CMSS1: variants seen among roughly 807,000 people sequenced by gnomAD.
CMSS1 encodes cms1 ribosomal small subunit homolog.
Under a neutral mutation model 43.5 loss-of-function variants are expected in CMSS1, and 33 were observed. The ratio of observed to expected loss-of-function variants is 0.76; its 90% confidence interval spans 0.57 to 1.01. CMSS1 has a LOEUF of 1.01. CMSS1 is among the 50% of genes least tolerant of loss of function. The pLI, the probability that CMSS1 is intolerant of heterozygous loss-of-function variation, is 0.00. For synonymous variants in CMSS1, 115 were observed against 117.2 expected, an observed-to-expected ratio of 0.98 and a Z score of 0.12; for missense variants, 313 against 326.4, an observed-to-expected ratio of 0.96 and a Z score of 0.32.
intron 1 of CMSS1, among the ~76,000 whole-genome samples, chr3:99,876,391 C>T (rs1481480522): frequency 3.3e-5 from 5 of 152,176 alleles, no homozygotes; most frequent in African/African-American, 9.6e-5. Context: ...AGTGGTGGGC[C>T]GGTGGGCCGG....
chr3:100,060,306 T>G (rs2065539725), intron 1 of CMSS1, among the ~76,000 whole-genome samples: 2 of 152,238 alleles, frequency 1.3e-5, no homozygotes, highest in South Asian at 4.2e-4. Context: ...GACTCTTGCC[T>G]TAGTACTTTA....
chr3:100,136,706 G>A lies in CMSS1; in HGVS notation c.65-10267G>A, dbSNP rs151088974. 1.5e-3 allele frequency among the ~76,000 whole-genome samples: 234 copies of A among 152,280 alleles called. 2 individuals carry two copies. Among genetic ancestry groups the A allele is most frequent in the Non-Finnish European group, 2.0e-3 (133 of 68,018 alleles). ...TAGGGGTGAGATTTTGATGGAAAAG[G>A]AAAGGAGACAAGGATAAAGTGAGAA... is the stretch of plus-strand genomic sequence containing the variant. On this transcript the variant is annotated intron_variant, in intron 1 of 9. Transcript: ENST00000421999.
intron 1 of CMSS1, among the ~76,000 whole-genome samples, chr3:99,841,425 T>C (rs1943126892): frequency 6.6e-6 from 1 of 152,342 alleles, no homozygotes; most frequent in East Asian, 1.9e-4. Flanking sequence ...CTCTATTGTT[T>C]AGACCTTTCT....
chr3:99,998,715 A>C (rs1559719803), intron 1 of CMSS1, among the ~76,000 whole-genome samples: 1 of 152,164 alleles, frequency 6.6e-6, no homozygotes, highest in Non-Finnish European at 1.5e-5. Flanking sequence ...AGCACATGCC[A>C]CCATGCCCCA....
At chr3:99,851,031 C>T (rs1243020392) in intron 1 of CMSS1, 6 of 1,601,198 alleles carry the variant, frequency 3.7e-6, no homozygotes, top group South Asian at 1.1e-5. Context: ...GCTCCTTCTC[C>T]TCCTGAGACT....
chr3:100,139,941 T>A (rs2066791828), intron 1 of CMSS1, among the ~76,000 whole-genome samples: 1 of 152,144 alleles, frequency 6.6e-6, no homozygotes, highest in South Asian at 2.1e-4. Flanking sequence ...AATGTTCATA[T>A]TACTCTGCAA....
At chr3:100,085,250 A>G (rs2065989874) in intron 1 of CMSS1, among the ~76,000 whole-genome samples, 1 of 152,220 alleles carries the variant, frequency 6.6e-6, no homozygotes, top group Non-Finnish European at 1.5e-5. Flanking sequence ...AATATTTTAG[A>G]ACAGCTTATT....
intron 1 of CMSS1, among the ~76,000 whole-genome samples, chr3:100,028,287 A>T (rs2064963992): frequency 6.6e-6 from 1 of 152,130 alleles, no homozygotes; most frequent in Non-Finnish European, 1.5e-5. Context: ...AACCTATCAA[A>T]CCCAGGCTGT....
chr3:100,156,457 C>T (rs989669857), intron 2 of CMSS1, among the ~76,000 whole-genome samples: 2 of 150,180 alleles, frequency 1.3e-5, no homozygotes, highest in South Asian at 2.1e-4. Context: ...TACAGGCGTG[C>T]GCCACCACGC....
At chr3:100,106,772 G>A (rs1029903382) in intron 1 of CMSS1, among the ~76,000 whole-genome samples, 3 of 152,104 alleles carry the variant, frequency 2.0e-5, no homozygotes, top group African/African-American at 7.2e-5. Flanking sequence ...TCTAACTGGT[G>A]GTTGTACTAC....
Position 100,023,960 on chromosome 3 carries a change from G to A in CMSS1, c.65-123013G>A, listed in dbSNP as rs146062651. 5.0e-3 allele frequency among the ~76,000 whole-genome samples: 754 copies of A among 152,224 alleles called. 4 individuals are homozygous for A. Among genetic ancestry groups the A allele is most frequent in the Admixed American group, 8.8e-3 (135 of 15,282 alleles). ...AGTTAAAGAAATCTTTACTTCCTGG[G>A]AACTTAGTAAATACCAACCTATGAT... On this transcript the variant is annotated intron_variant, in intron 1 of 9. Transcript: ENST00000421999.
chr3:99,851,072 TGA>T (rs1318722518), intron 1 of CMSS1: 1 of 1,569,478 alleles, frequency 6.4e-7, no homozygotes, highest in Non-Finnish European at 8.6e-7. Flanking sequence ...TTCTTTAATC[TGA>T]AAAATGTAAA....
chr3:100,025,059 C>A (rs2064893658), intron 1 of CMSS1, among the ~76,000 whole-genome samples: 1 of 152,120 alleles, frequency 6.6e-6, no homozygotes, highest in South Asian at 2.1e-4. Flanking sequence ...ACGCATTTTT[C>A]TTTGAATTCT....
Position 99,904,210 on chromosome 3 carries a change from G to T in CMSS1, c.64+86167G>T, listed in dbSNP as rs372309481. Among the ~76,000 whole-genome samples the T allele has an allele frequency of 4.6e-5, 7 of 152,310 alleles. No homozygotes were observed. In the East Asian group the frequency reaches 9.6e-4, roughly 21 times the overall value. On this transcript the variant is annotated intron_variant, in intron 1 of 9. Transcript: ENST00000421999. ...ATGGCTTTCATTACAATAAACAAAG[G>T]TCTATAAGGGCCATAGGCCAGATTG...
At chr3:100,030,919 A>G (rs911331068) in intron 1 of CMSS1, among the ~76,000 whole-genome samples, 6 of 152,202 alleles carry the variant, frequency 3.9e-5, no homozygotes, top group African/African-American at 1.4e-4. Flanking sequence ...CTTAAGAATG[A>G]AAAATATATA....
intron 1 of CMSS1, among the ~76,000 whole-genome samples, chr3:99,832,700 G>A (rs1408044662): frequency 1.5e-5 from 2 of 133,064 alleles, no homozygotes; most frequent in Non-Finnish European, 3.2e-5. Flanking sequence ...AAACAGCCGG[G>A]CGTCGTGGCG....
intron 1 of CMSS1, among the ~76,000 whole-genome samples, chr3:99,885,514 T>A (rs546015362): frequency 6.6e-6 from 1 of 152,338 alleles, no homozygotes; most frequent in African/African-American, 2.4e-5. Flanking sequence ...AACTCAAGGA[T>A]TTAAAATTTA....
intron 1 of CMSS1, among the ~76,000 whole-genome samples, chr3:99,882,536 A>T (rs1705763279): frequency 6.6e-6 from 1 of 152,328 alleles, no homozygotes; most frequent in East Asian, 1.9e-4. Flanking sequence ...ATTTTAGGGT[A>T]TAAGAGGCCT....
At chr3:100,106,991 T>G (rs1246844161) in intron 1 of CMSS1, among the ~76,000 whole-genome samples, 1 of 152,190 alleles carries the variant, frequency 6.6e-6, no homozygotes, top group East Asian at 1.9e-4. Context: ...GCCACCAATG[T>G]GTGTCTGACC....
Sources: allele counts gnomAD v4.1 joint callset (sites outside exome capture counted in the v4.1 genomes callset), GRCh38; gene constraint gnomAD v4.1.1; transcripts MANE v1.5; gene names NCBI Gene and HGNC (gene_info 2026-07-23, HGNC 2026-07-21).